NPL: variants seen among roughly 807,000 people sequenced by gnomAD.
NPL encodes the protein N-acetylneuraminate lyase.
NPL carries 32 observed loss-of-function variants against 41.1 expected under a neutral mutation model. The observed-to-expected ratio is 0.78, with a 90% CI of 0.59 to 1.05. NPL has a LOEUF of 1.05. Ranked by LOEUF, NPL falls within the 50% of genes least tolerant of loss-of-function variation. NPL has a pLI of 0.00. For synonymous variants in NPL, 128 were observed against 134.9 expected, an observed-to-expected ratio of 0.95 and a Z score of 0.35; for missense variants, 321 against 378.4, an observed-to-expected ratio of 0.85 and a Z score of 1.26.
intron 5 of NPL, among the ~76,000 whole-genome samples, chr1:182,810,294 C>T (rs778804397): frequency 3.3e-5 from 5 of 152,186 alleles, no homozygotes; most frequent in Admixed American, 6.5e-5. Flanking sequence ...AAATGAACAT[C>T]GGGGTATCAG....
At chr1:182,822,982 C>A (rs966611329) in intron 11 of NPL, among the ~76,000 whole-genome samples, 9 of 152,222 alleles carry the variant, frequency 5.9e-5, no homozygotes, top group Non-Finnish European at 2.9e-5. Flanking sequence ...AGTCCTCCCG[C>A]CTCAGCCTCC....
At chr1:182,800,995 G>T (rs1666832270) in intron 3 of NPL, among the ~76,000 whole-genome samples, 2 of 152,072 alleles carry the variant, frequency 1.3e-5, no homozygotes, top group Non-Finnish European at 2.9e-5. Context: ...CTCCCAAAGT[G>T]CTGAGATTAC....
rs41272518 is a variant in NPL, at chr1:182,828,946, T to C, written c.*38T>C. 103,241 of 1,612,608 alleles carry C rather than the reference T, an allele frequency of 0.064. 4,799 individuals are homozygous for C. The highest frequency in any genetic ancestry group is 0.19 in the African/African-American group (14,555 of 75,016). On this transcript the variant is annotated 3_prime_UTR_variant, in exon 13 of 13. Coordinates refer to ENST00000367553, the MANE Select transcript of NPL (RefSeq NM_030769.3). This position sits in a 1 kb window ranked among gnomAD's most constrained non-coding sequence, Gnocchi z 4.0. ...AAATCAGGGTTTGCACCTTGAGACATAATCTACCTTAAATAGTGCATTTTT... is the reference window on the plus strand; with the variant it reads ...AAATCAGGGTTTGCACCTTGAGACACAATCTACCTTAAATAGTGCATTTTT...
intron 1 of NPL, chr1:182,791,146 G>T (rs545139044): frequency 6.6e-6 from 1 of 152,264 alleles, no homozygotes; most frequent in South Asian, 2.1e-4. Flanking sequence ...CTGTTTGGGG[G>T]AATTCTGAGG....
rs1557949980 is a variant in NPL, at chr1:182,816,753, C to T, written c.404C>T (p.Ala135Val). The T allele has an allele frequency of 3.1e-6, 5 of 1,613,264 alleles. No homozygotes were observed. The South Asian group carries it at 5.5e-5, about 18-fold the overall frequency. ...TTCCTAAAGGAAGTGGCTGCTGCCG[C>T]CCCTGCCCTGCCATTTTATTACTAT... is the stretch of plus-strand genomic sequence containing the variant. ...INFLKEVAAA[A>V]PALPFYYYHI... The change falls in exon 8 of 13, where the codon GCC becomes GTC. Residue 135 changes from alanine to valine, a missense_variant. Coordinates refer to ENST00000367553, the MANE Select transcript of NPL (RefSeq NM_030769.3).
At chr1:182,791,256 G>A (rs1666508546) in intron 1 of NPL, 1 of 152,068 alleles carries the variant, frequency 6.6e-6, no homozygotes, top group Admixed American at 6.6e-5. Context: ...AGCTATACCT[G>A]CTGGAATGGA....
At chr1:182,803,834 C>T in intron 4 of NPL, 63 bp downstream of exon 4, 2 of 1,159,744 alleles carry the variant, frequency 1.7e-6, no homozygotes, top group East Asian at 2.3e-5. Flanking sequence ...GTATATCTTA[C>T]CTGGTTACCA....
intron 6 of NPL, among the ~76,000 whole-genome samples, chr1:182,814,059 G>A (rs1440287432): frequency 1.3e-5 from 2 of 152,200 alleles, no homozygotes; most frequent in African/African-American, 4.8e-5. Context: ...AGATAGTGGG[G>A]CACGTTCTGA....
intron 1 of NPL, 87 bp from the exon 2 acceptor site, chr1:182,792,145 A>G (rs995308947): frequency 3.9e-5 from 6 of 152,246 alleles, no homozygotes; most frequent in Admixed American, 2.0e-4. Context: ...CTATGTGCCT[A>G]GCATTGTTGT....
At chr1:182,790,611 CTTTTGTTG>C (rs1233587766) in intron 1 of NPL, among the ~76,000 whole-genome samples, 14 of 133,382 alleles carry the variant, frequency 1.0e-4, no homozygotes, top group Non-Finnish European at 2.1e-4. Flanking sequence ...CTGTTAAAGT[CTTTTGTTG>C]TTGTTGTTGT....
intron 4 of NPL, among the ~76,000 whole-genome samples, chr1:182,804,976 A>G (rs1257950769): frequency 6.6e-6 from 1 of 152,154 alleles, no homozygotes; most frequent in Non-Finnish European, 1.5e-5. Flanking sequence ...GACCTCAAAG[A>G]AGTGGTTAAA....
intron 3 of NPL, among the ~76,000 whole-genome samples, chr1:182,797,208 A>G (rs747558812): frequency 6.6e-6 from 1 of 152,184 alleles, no homozygotes; most frequent in Non-Finnish European, 1.5e-5. Context: ...TCCATCGTCC[A>G]CACTGTAGCT....
At chr1:182,826,619 T>C (rs1275091227) in intron 12 of NPL, 4 of 152,360 alleles carry the variant, frequency 2.6e-5, no homozygotes, top group South Asian at 2.1e-4. Flanking sequence ...TTTTCCACTT[T>C]CGTGATTTTT....
chr1:182,806,675 G>A (rs1667019855), intron 5 of NPL: 3 of 954,884 alleles, frequency 3.1e-6, no homozygotes, highest in Admixed American at 2.7e-5. Flanking sequence ...CCAACTCAAT[G>A]TGCTCTTTTA....
Position 182,799,778 on chromosome 1 carries a change from A to G in NPL, c.69-3920A>G, listed in dbSNP as rs540550340. On this transcript the variant is annotated intron_variant, in intron 3 of 12. Coordinates refer to ENST00000367553, the MANE Select transcript of NPL (RefSeq NM_030769.3). ...AGCCCCAAGGCATGAATCTAAACCCAACGCAAAGAATCTGAATCCCCAGGA... is the reference window on the plus strand; with the variant it reads ...AGCCCCAAGGCATGAATCTAAACCCGACGCAAAGAATCTGAATCCCCAGGA... Among the ~76,000 whole-genome samples, 33 of 151,434 alleles carry G rather than the reference A, an allele frequency of 2.2e-4. No homozygotes were observed. The East Asian group carries it at 5.8e-3, about 27-fold the overall frequency.
intron 5 of NPL, among the ~76,000 whole-genome samples, chr1:182,807,603 A>C (rs889462608): frequency 1.3e-5 from 2 of 151,496 alleles, no homozygotes; most frequent in Non-Finnish European, 2.9e-5. Flanking sequence ...CTGGCCGGGC[A>C]TGGTGGCTCA....
chr1:182,818,541 T>C lies in NPL; in HGVS notation c.458T>C (p.Ile153Thr). The C allele has an allele frequency of 1.2e-6, 2 of 1,614,052 alleles. No individual in the cohort carries two copies. The change falls in exon 9 of 13, where the codon ATT (isoleucine) becomes ACT (threonine). Residue 153 changes from isoleucine (I) to threonine (T), a missense_variant and splice_region_variant. Physicochemically the swap from Ile to Thr is moderately conservative, Grantham distance 89. Coordinates refer to ENST00000367553, the MANE Select transcript of NPL (RefSeq NM_030769.3). ...YHIPALTGVK[I>T]RAEELLDGIL... is the part of the protein sequence containing the mutation. ...ATGAGGCACTTATTATTTTGAGCAG[T>C]TCGTGCTGAGGAGTTGTTGGATGGG...
intron 4 of NPL, 61 bp from the exon 5 acceptor site, chr1:182,806,084 C>T: frequency 6.2e-7 from 1 of 1,604,650 alleles, no homozygotes. Context: ...CACTTTCAGA[C>T]TCGGGGTTGG....
intron 10 of NPL, among the ~76,000 whole-genome samples, chr1:182,819,372 G>A (rs1366546515): frequency 6.6e-6 from 1 of 151,978 alleles, no homozygotes; most frequent in Non-Finnish European, 1.5e-5. Flanking sequence ...CTTGAAACCG[G>A]AAGGCGGAGG....
Sources: allele counts gnomAD v4.1 joint callset (sites outside exome capture counted in the v4.1 genomes callset), GRCh38; gene constraint gnomAD v4.1.1; non-coding constraint Gnocchi (gnomAD v3.1); transcripts MANE v1.5; gene names NCBI Gene and HGNC (gene_info 2026-07-23, HGNC 2026-07-21).